Variants in TBCD observed in about 807,000 individuals in gnomAD.
TBCD encodes the protein tubulin-specific chaperone D.
Under a neutral mutation model 169.3 loss-of-function variants are expected in TBCD, and 105 were observed. The observed-to-expected ratio is 0.62, with a 90% CI of 0.53 to 0.73. The LOEUF is 0.73. Among genes scored for constraint, TBCD ranks in the 30% least tolerant of loss-of-function variants. TBCD has a pLI of 0.00. For synonymous variants in TBCD, 700 were observed against 643.9 expected (o/e 1.09, Z -1.32); for missense variants, 1,444 against 1,600.1 (o/e 0.90, Z 1.66).
chr17:82,788,727 G>A (rs1454848514), intron 7 of TBCD, among the ~76,000 whole-genome samples: 1 of 152,090 alleles, frequency 6.6e-6, no homozygotes, highest in African/African-American at 2.4e-5. Flanking sequence ...AGTGGTTGTG[G>A]CCAAGAGTGT....
chr17:82,928,079 C>T lies in TBCD; in HGVS notation c.2693+91C>T, dbSNP rs558442763. ...GGCGGGCGGTCCTGGTGCTCAGTGG[C>T]ATTTGCACTGCTGGGCACACACCCT... On this transcript the variant is annotated intron_variant, in intron 30 of 38. Coordinates refer to ENST00000355528, the MANE Select transcript of TBCD (RefSeq NM_005993.5). 3,515 of 1,148,374 alleles carry T rather than the reference C, an allele frequency of 3.1e-3. 9 individuals are homozygous for T. The highest frequency in any genetic ancestry group is 3.9e-3 in the Non-Finnish European group (3,006 of 778,646). The allele number at this position is 1,148,374 out of a possible 1,614,324, so 71.1% of individuals were successfully genotyped here.
At chr17:82,941,158 G>C (rs542492863) in intron 37 of TBCD, among the ~76,000 whole-genome samples, 1 of 152,226 alleles carries the variant, frequency 6.6e-6, no homozygotes, top group Non-Finnish European at 1.5e-5. Context: ...GGTCCTTCCC[G>C]AGGGGCACCC....
At chr17:82,927,859 AC>A (rs1342715298) in intron 29 of TBCD, 45 bp from the exon 30 acceptor site, 3 of 1,561,360 alleles carry the variant, frequency 1.9e-6, no homozygotes, top group African/African-American at 2.7e-5. Flanking sequence ...CAGGGTTGGA[AC>A]CCCCCTCTCA....
chr17:82,850,021 T>TGCTGC (rs1567886869), intron 13 of TBCD, among the ~76,000 whole-genome samples: 3 of 36,562 alleles, frequency 8.2e-5, no homozygotes, highest in African/African-American at 2.2e-4. Context: ...GGCTGTGCTG[T>TGCTGC]TGTTGGCTGT....
chr17:82,800,727 T>C, intron 8 of TBCD, 137 bp from the exon 9 acceptor site: 2 of 1,049,696 alleles, frequency 1.9e-6, no homozygotes, highest in Non-Finnish European at 1.3e-6. Context: ...GGTTCATGAT[T>C]TGGGATGATG....
chr17:82,758,154 CG>C (rs1344303663), intron 2 of TBCD, among the ~76,000 whole-genome samples: 2 of 151,428 alleles, frequency 1.3e-5, no homozygotes, highest in African/African-American at 4.9e-5. Flanking sequence ...TTTGGGAGGC[CG>C]GGGCGGGTGG....
At chr17:82,887,380 C>T (rs149769767) in intron 15 of TBCD, among the ~76,000 whole-genome samples, 1 of 152,084 alleles carries the variant, frequency 6.6e-6, no homozygotes, top group Non-Finnish European at 1.5e-5. Flanking sequence ...TCTGTCATCT[C>T]GAGAATGCTG....
chr17:82,824,229 T>C (rs1404110679), intron 13 of TBCD, among the ~76,000 whole-genome samples: 1 of 152,130 alleles, frequency 6.6e-6, no homozygotes, highest in Non-Finnish European at 1.5e-5. Context: ...TCACCCAGGC[T>C]GGAGTGCAGT....
At position 82,833,337 on chromosome 17, in the gene TBCD, C is replaced by T. The variant is rs536717014; in HGVS notation, c.1318+18403C>T. Among the ~76,000 whole-genome samples the T allele has an allele frequency of 8.5e-5, 13 of 152,142 alleles. No homozygotes were observed. The highest frequency in any genetic ancestry group is 2.1e-4 in the South Asian group (1 of 4,826). On this transcript the variant is annotated intron_variant, in intron 13 of 38. Coordinates refer to ENST00000355528, the MANE Select transcript of TBCD (RefSeq NM_005993.5). This position sits in a 1 kb window ranked among gnomAD's most constrained non-coding sequence, Gnocchi z 4.7. ...CCCCTGGGGCCGATCCCTAAGCACT[C>T]GTGGCAGTTTCTGCCCACTTTAGCC... is the stretch of plus-strand genomic sequence containing the variant.
chr17:82,937,104 T>G, intron 34 of TBCD, 167 bp from the exon 35 acceptor site: 1 of 604,762 alleles, frequency 1.7e-6, no homozygotes. Flanking sequence ...CCTGTGGAGG[T>G]ATTGGGATGG....
chr17:82,898,588 G>A (rs1016141760), intron 17 of TBCD, among the ~76,000 whole-genome samples: 2 of 151,980 alleles, frequency 1.3e-5, no homozygotes, highest in African/African-American at 2.4e-5. Flanking sequence ...AGAAGAACTG[G>A]TTTATTTTAG....
At position 82,874,902 on chromosome 17, in the gene TBCD, T is replaced by G. The variant is rs919336812; in HGVS notation, c.1475+4522T>G. On this transcript the variant is annotated intron_variant, in intron 14 of 38. Coordinates refer to ENST00000355528, the MANE Select transcript of TBCD (RefSeq NM_005993.5). The surrounding 1 kb of genome is among the most constrained non-coding windows in gnomAD (Gnocchi z 5.0). ...CTTGATTTCTCTAACTTTCACAAGT[T>G]CTTCGGTGGGTCCTGTAACAGTGGG... 3.9e-5 allele frequency among the ~76,000 whole-genome samples: 6 copies of G among 152,238 alleles called. No individual in the cohort carries two copies. Among genetic ancestry groups the G allele is most frequent in the Non-Finnish European group, 8.8e-5 (6 of 68,036 alleles).
rs1432425581 is a variant in TBCD at position 82,874,379 on chromosome 17, A to G, written c.1475+3999A>G. On this transcript the variant is annotated intron_variant, in intron 14 of 38. Coordinates refer to ENST00000355528, the MANE Select transcript of TBCD (RefSeq NM_005993.5). The surrounding 1 kb of genome is among the most constrained non-coding windows in gnomAD (Gnocchi z 5.0). The stretch of plus-strand genomic sequence containing the variant: ...TTGGCCTGGGTCCCACTTGGCTTTG[A>G]TCTCGTGGGGCTTTGGTTTTTGGAG... Among the ~76,000 whole-genome samples the G allele has an allele frequency of 6.6e-6, 1 of 151,412 alleles. No homozygotes were observed. The highest frequency in any genetic ancestry group is 1.5e-5 in the Non-Finnish European group (1 of 67,870).
intron 1 of TBCD, among the ~76,000 whole-genome samples, chr17:82,755,548 C>G (rs187203646): frequency 6.6e-6 from 1 of 152,240 alleles, no homozygotes; most frequent in East Asian, 1.9e-4. Context: ...TACTTAAGAT[C>G]GGTTTTAATG....
rs151062465 is a variant in TBCD at position 82,852,826 on chromosome 17, C to T, written c.1319-17398C>T. Among the ~76,000 whole-genome samples, 573 of 152,244 alleles carry T rather than the reference C, an allele frequency of 3.8e-3. 2 individuals are homozygous for T. The highest frequency in any genetic ancestry group is 6.8e-3 in the Middle Eastern group (2 of 294). ...TGTAGGCTGCTGTGAATAAAGCATT[C>T]GTGTGTGAGTTTTTGTGTGGATGTG... On this transcript the variant is annotated intron_variant, in intron 13 of 38. Transcript: ENST00000355528.
Position 82,887,175 on chromosome 17 carries a change from GCGCGCA to G in TBCD, c.1534-2490_1534-2485del, listed in dbSNP as rs1467944762. ...TGTGTGTGTGTGTGTGTGTGCGCGC[GCGCGCA>G]CGTGCGCTCACGCGTTTACTTCTGT... is the stretch of plus-strand genomic sequence containing the variant. On this transcript the variant is annotated intron_variant, in intron 15 of 38. Coordinates refer to ENST00000355528, the MANE Select transcript of TBCD (RefSeq NM_005993.5). Among the ~76,000 whole-genome samples the G allele has an allele frequency of 4.1e-3, 279 of 68,832 alleles. 2 individuals carry two copies. The highest frequency in any genetic ancestry group is 0.018 in the South Asian group (46 of 2,572). 45.2% of individuals were successfully genotyped at this position (68,832 alleles called of 152,430 possible).
chr17:82,838,393 C>T (rs1448339415), intron 13 of TBCD, among the ~76,000 whole-genome samples: 2 of 151,744 alleles, frequency 1.3e-5, no homozygotes, highest in Non-Finnish European at 2.9e-5. Context: ...CTTTATGGGA[C>T]GTTTCTGTGA....
chr17:82,860,171 C>T (rs1196983861), intron 13 of TBCD, among the ~76,000 whole-genome samples: 2 of 152,144 alleles, frequency 1.3e-5, no homozygotes, highest in Admixed American at 1.3e-4. Context: ...CCTGTTTTTG[C>T]TTCTTTCAAG....
chr17:82,926,462 C>T lies in TBCD; in HGVS notation c.2442C>T (p.Ser814=). 1 of 1,613,990 alleles carries T rather than the reference C, an allele frequency of 6.2e-7. No individual in the cohort carries two copies. The highest frequency in any genetic ancestry group is 2.2e-5 in the East Asian group (1 of 44,884). Residue 814 remains serine (S), a synonymous_variant, in exon 28 of 39, where the codon TCC becomes TCT. Transcript: ENST00000355528. ...CCGAGGACGTAAGTTTTGCTGAGTC[C>T]AGGAGAGACGGCTTGAAGGCCATTG... ...TSPEDVSFAE[S]RRDGLKAIAR... is the part of the protein sequence containing the mutation.
Sources: gnomAD v4.1 joint callset for allele counts (sites outside exome capture counted in the v4.1 genomes callset) on GRCh38, gnomAD v4.1.1 for gene constraint, Gnocchi (gnomAD v3.1) non-coding constraint, MANE v1.5 for transcripts, NCBI Gene and HGNC (gene_info 2026-07-23, HGNC 2026-07-21) for gene names.